RPS6KB1: variants seen among roughly 807,000 people sequenced by gnomAD.
RPS6KB1 encodes ribosomal protein S6 kinase beta-1.
Under a neutral mutation model 70.2 loss-of-function variants are expected in RPS6KB1, and 12 were observed. The observed-to-expected ratio is 0.17, with a 90% CI of 0.11 to 0.28. The LOEUF is 0.28. Ranked by LOEUF, RPS6KB1 falls within the 10% of genes least tolerant of loss-of-function variation. The pLI, the probability that RPS6KB1 is intolerant of heterozygous loss-of-function variation, is 1.00. For missense variants in RPS6KB1, 270 were observed against 646.6 expected (o/e 0.42, Z 6.32); for synonymous variants, 175 against 211.2 (o/e 0.83, Z 1.49).
chr17:59,918,351 G>GT (rs2043076502), intron 4 of RPS6KB1, among the ~76,000 whole-genome samples: 1 of 150,848 alleles, frequency 6.6e-6, no homozygotes, highest in Non-Finnish European at 1.5e-5. Context: ...CCCTCTGAGA[G>GT]TTTTATTTTT....
rs767016580 is a variant in RPS6KB1, at chr17:59,935,195, C to T, written c.873C>T (p.Pro291=). The T allele has an allele frequency of 1.1e-5, 18 of 1,596,780 alleles. No homozygotes were observed. The highest frequency in any genetic ancestry group is 1.5e-5 in the Non-Finnish European group (18 of 1,165,560). The change falls in exon 10 of 15, where the codon CCC becomes CCT. Residue 291 remains proline, a splice_region_variant and synonymous_variant. Transcript: ENST00000225577. ...TTTCACTTGTCTTCTACTCTTAGCCCCCATTCACTGGGGAGAATAGAAAGA... is the reference window on the plus strand; with the variant it reads ...TTTCACTTGTCTTCTACTCTTAGCCTCCATTCACTGGGGAGAATAGAAAGA... The part of the protein sequence containing the change: ...ALMYDMLTGA[P]PFTGENRKKT...
chr17:59,893,372 G>A lies in RPS6KB1; in HGVS notation c.141+47G>A, dbSNP rs2041250722. ...GGCCCGAGGTGACAGGGCCGGGGCG[G>A]CGGCGCGGGCTCAGGAAGCGCGGTG... On this transcript the variant is annotated intron_variant, in intron 1 of 14. Coordinates refer to ENST00000225577, the MANE Select transcript of RPS6KB1 (RefSeq NM_003161.4). This position sits in a 1 kb window ranked among gnomAD's most constrained non-coding sequence, Gnocchi z 4.1. 1.4e-5 allele frequency: 21 copies of A among 1,552,848 alleles called. No homozygotes were observed. The highest frequency in any genetic ancestry group is 1.7e-5 in the Non-Finnish European group (19 of 1,145,436).
intron 4 of RPS6KB1, among the ~76,000 whole-genome samples, chr17:59,925,074 G>A (rs1429676655): frequency 1.3e-5 from 2 of 151,916 alleles, no homozygotes; most frequent in South Asian, 2.1e-4. Context: ...CTCATTATCC[G>A]CCCTCCTCGG....
At chr17:59,938,353 T>C (rs2044372826) in intron 12 of RPS6KB1, among the ~76,000 whole-genome samples, 1 of 151,596 alleles carries the variant, frequency 6.6e-6, no homozygotes, top group Admixed American at 6.6e-5. Flanking sequence ...AGAGATGAGG[T>C]CTCCCTGTGT....
chr17:59,945,965 G>A (rs561500639), intron 14 of RPS6KB1, among the ~76,000 whole-genome samples: 23 of 152,308 alleles, frequency 1.5e-4, no homozygotes, highest in Admixed American at 7.2e-4. Flanking sequence ...AAAAAAGAAT[G>A]TACTGGTAGA....
At chr17:59,918,624 C>T (rs2043098699) in intron 4 of RPS6KB1, among the ~76,000 whole-genome samples, 1 of 152,084 alleles carries the variant, frequency 6.6e-6, no homozygotes, top group Non-Finnish European at 1.5e-5. Context: ...TCCACCTCGG[C>T]ATCCCAAAGT....
At chr17:59,919,930 A>C (rs920750048) in intron 4 of RPS6KB1, among the ~76,000 whole-genome samples, 3 of 152,052 alleles carry the variant, frequency 2.0e-5, no homozygotes, top group Non-Finnish European at 4.4e-5. Context: ...GCAGGCACTT[A>C]GGTTTGATCT....
Position 59,931,529 on chromosome 17 carries a change from T to C in RPS6KB1, c.588-93T>C. ...CCCCACTAATTTGGTCTTTGGTGCATGTCTGTTTCTTTCAAGGAATTTTGC... is the reference window on the plus strand; with the variant it reads ...CCCCACTAATTTGGTCTTTGGTGCACGTCTGTTTCTTTCAAGGAATTTTGC... On this transcript the variant is annotated intron_variant, in intron 6 of 14. Coordinates refer to ENST00000225577, the MANE Select transcript of RPS6KB1 (RefSeq NM_003161.4). 5.3e-6 allele frequency: 5 copies of C among 941,492 alleles called. No individual in the cohort carries two copies. The South Asian group carries it at 6.9e-5, about 13-fold the overall frequency. 58.3% of individuals were successfully genotyped at this position (941,492 alleles called of 1,614,324 possible).
chr17:59,931,585 A>G lies in RPS6KB1; in HGVS notation c.588-37A>G, dbSNP rs375543181. ...ACGTAAACTGCTTTGGATAGATTAC[A>G]CTCTTTTTAATTTTATTAAATCACT... On this transcript the variant is annotated intron_variant, in intron 6 of 14. Coordinates refer to ENST00000225577, the MANE Select transcript of RPS6KB1 (RefSeq NM_003161.4). 52 of 1,521,512 alleles carry G rather than the reference A, an allele frequency of 3.4e-5. No homozygotes were observed. In the African/African-American group the frequency reaches 6.5e-4, roughly 19 times the overall value. 94.3% of individuals were successfully genotyped at this position (1,521,512 alleles called of 1,614,324 possible). A position where few individuals can be genotyped will look rare whatever the true frequency, so the allele number is the denominator to read the frequency against.
Position 59,912,808 on chromosome 17 carries a change from G to A in RPS6KB1, c.312+4G>A, listed in dbSNP as rs772088250. 1 of 1,613,504 alleles carries A rather than the reference G, an allele frequency of 6.2e-7. No homozygotes were observed. The highest frequency in any genetic ancestry group is 1.1e-5 in the South Asian group (1 of 91,040). Reference sequence around the variant, plus strand: ...TGGTAAAGGGGGCTATGGAAAGGTAGGCAATATTTTTGAAATGAGAGCTGT... The same window carrying A: ...TGGTAAAGGGGGCTATGGAAAGGTAAGCAATATTTTTGAAATGAGAGCTGT... On this transcript the variant is annotated splice_donor_region_variant and intron_variant, in intron 3 of 14. Transcript: ENST00000225577.
At chr17:59,904,315 A>G (rs1368117074) in intron 1 of RPS6KB1, among the ~76,000 whole-genome samples, 1 of 151,538 alleles carries the variant, frequency 6.6e-6, no homozygotes, top group Non-Finnish European at 1.5e-5. Flanking sequence ...TCCTGACCTC[A>G]TGATCCGCCC....
intron 4 of RPS6KB1, among the ~76,000 whole-genome samples, chr17:59,916,353 A>C (rs1451076893): frequency 1.3e-5 from 2 of 150,672 alleles, no homozygotes; most frequent in Admixed American, 1.3e-4. Context: ...GCCCGCCTTG[A>C]CCTCCCAAAG....
chr17:59,921,917 C>G (rs933626738), intron 4 of RPS6KB1, among the ~76,000 whole-genome samples: 6 of 152,138 alleles, frequency 3.9e-5, no homozygotes, highest in African/African-American at 1.4e-4. Context: ...TTTTTTGGCC[C>G]TAAGCCCTTT....
chr17:59,936,623 A>C, intron 12 of RPS6KB1, 82 bp downstream of exon 12: 4 of 1,128,534 alleles, frequency 3.5e-6, no homozygotes, highest in Non-Finnish European at 5.4e-6. Flanking sequence ...AGGTGGGAGG[A>C]TTGTTTGAGG....
At chr17:59,945,344 C>T (rs1418724513) in intron 13 of RPS6KB1, 62 bp from the exon 14 acceptor site, 5 of 860,170 alleles carry the variant, frequency 5.8e-6, no homozygotes, top group Non-Finnish European at 9.7e-6. Context: ...GACTGAACAA[C>T]CCCATTCTCT....
intron 2 of RPS6KB1, 112 bp from the exon 3 acceptor site, chr17:59,912,570 CTT>C: frequency 1.8e-6 from 2 of 1,087,454 alleles, no homozygotes; most frequent in East Asian, 5.0e-5. Context: ...GTGTCATGTA[CTT>C]TTTTACTTTT....
At chr17:59,933,292 A>G (rs1254946890) in intron 7 of RPS6KB1, among the ~76,000 whole-genome samples, 1 of 150,490 alleles carries the variant, frequency 6.6e-6, no homozygotes, top group African/African-American at 2.4e-5. Context: ...ACACCTCCTC[A>G]CTCCCCAAAA....
chr17:59,937,449 G>C, intron 12 of RPS6KB1, among the ~76,000 whole-genome samples: 1 of 152,166 alleles, frequency 6.6e-6, no homozygotes, highest in Middle Eastern at 3.2e-3. Flanking sequence ...CATAGATCTG[G>C]AGACTAGAAG....
chr17:59,922,142 G>A (rs2144880059), intron 4 of RPS6KB1, among the ~76,000 whole-genome samples: 1 of 150,628 alleles, frequency 6.6e-6, no homozygotes, highest in East Asian at 2.0e-4. Context: ...CTGGGTTCAA[G>A]CGATTCTCCT....
Sources: gnomAD v4.1 joint callset for allele counts (sites outside exome capture counted in the v4.1 genomes callset) on GRCh38, gnomAD v4.1.1 for gene constraint, Gnocchi (gnomAD v3.1) non-coding constraint, MANE v1.5 for transcripts, NCBI Gene and HGNC (gene_info 2026-07-23, HGNC 2026-07-21) for gene names.